The following KCNN2 variants were observed in gnomAD, a reference collection of about 807,000 sequenced individuals.
KCNN2 encodes the protein small conductance calcium-activated potassium channel protein 2.
In KCNN2, 24 loss-of-function variants were observed where a neutral mutation model predicts 55.5. The ratio of observed to expected loss-of-function variants is 0.43; its 90% confidence interval spans 0.31 to 0.61. KCNN2 has a LOEUF of 0.61. Ranked by LOEUF, KCNN2 falls within the 20% of genes least tolerant of loss-of-function variation. The pLI, the probability that KCNN2 is intolerant of heterozygous loss-of-function variation, is 0.08. For synonymous variants in KCNN2, 431 were observed against 336.1 expected, an observed-to-expected ratio of 1.28 and a Z score of -3.09; for missense variants, 754 against 853.6, an observed-to-expected ratio of 0.88 and a Z score of 1.45.
intron 2 of KCNN2, among the ~76,000 whole-genome samples, chr5:114,309,735 C>T (rs1010618809): frequency 3.3e-5 from 5 of 152,052 alleles, no homozygotes; most frequent in Non-Finnish European, 5.9e-5. Context: ...AACACACAGA[C>T]AGGTGTAATA....
rs972465553 is a variant in KCNN2, at chr5:114,362,781, C to T, written c.642C>T (p.Ser214=). Reference sequence around the variant, plus strand: ...ACCCCTTCACCGAAATAGCCATGAGCAGCTGCAGGTACAACGGGGGCGTCA... The same window carrying T: ...ACCCCTTCACCGAAATAGCCATGAGTAGCTGCAGGTACAACGGGGGCGTCA... ...ESNPFTEIAM[S]SCRYNGGVMR... The change falls in exon 1 of 8, where the codon AGC becomes AGT. Residue 214 remains serine, a synonymous_variant. Transcript: ENST00000673685. 1.3e-6 allele frequency: 2 copies of T among 1,588,328 alleles called. No individual in the cohort carries two copies. The highest frequency in any genetic ancestry group is 8.5e-7 in the Non-Finnish European group (1 of 1,172,836).
At chr5:114,394,833 G>A (rs1259500122) in intron 2 of KCNN2, among the ~76,000 whole-genome samples, 1 of 152,046 alleles carries the variant, frequency 6.6e-6, no homozygotes, top group East Asian at 1.9e-4. Context: ...GTTCCATCAG[G>A]CTTTCAGTTA....
At chr5:114,377,185 C>T (rs1030371979) in intron 2 of KCNN2, among the ~76,000 whole-genome samples, 1 of 152,176 alleles carries the variant, frequency 6.6e-6, no homozygotes, top group African/African-American at 2.4e-5. Flanking sequence ...CTGAGTCCAC[C>T]ACTGGCTGTG....
At chr5:114,168,172 T>C (rs914361188) in intron 1 of KCNN2, among the ~76,000 whole-genome samples, 32 of 127,152 alleles carry the variant, frequency 2.5e-4, no homozygotes, top group Admixed American at 2.0e-3. Context: ...TGTGGATATA[T>C]ATACACACAC....
At chr5:114,314,080 C>T (rs517335) in intron 2 of KCNN2, among the ~76,000 whole-genome samples, 17,536 of 152,022 alleles carry the variant, frequency 0.12, 1,157 homozygotes, top group African/African-American at 0.17. Flanking sequence ...CTTGTTTCTA[C>T]AGTTTTTGTG....
intron 2 of KCNN2, among the ~76,000 whole-genome samples, chr5:114,320,004 T>C (rs1756583309): frequency 6.6e-6 from 1 of 152,206 alleles, no homozygotes. Flanking sequence ...TTGAAGCTCA[T>C]GGGAATTGTG....
At chr5:114,124,912 T>C (rs1435018691) in intron 1 of KCNN2, among the ~76,000 whole-genome samples, 1 of 152,206 alleles carries the variant, frequency 6.6e-6, no homozygotes, top group South Asian at 2.1e-4. Context: ...AGAAATACTT[T>C]ATTTATTTAT....
At chr5:114,425,708 C>G (rs572997932) in intron 3 of KCNN2, among the ~76,000 whole-genome samples, 1 of 152,272 alleles carries the variant, frequency 6.6e-6, no homozygotes, top group East Asian at 1.9e-4. Flanking sequence ...GCCCTGAATT[C>G]AACCACTTCT....
intron 2 of KCNN2, among the ~76,000 whole-genome samples, chr5:114,327,684 T>C (rs998707746): frequency 6.6e-6 from 1 of 152,210 alleles, no homozygotes; most frequent in Non-Finnish European, 1.5e-5. Context: ...ATCGTTGCCA[T>C]TCTAAGTGTT....
At chr5:114,411,632 C>T (rs1042070926) in intron 3 of KCNN2, among the ~76,000 whole-genome samples, 4 of 152,068 alleles carry the variant, frequency 2.6e-5, no homozygotes, top group Admixed American at 6.6e-5. Context: ...AGTCTAAGGA[C>T]AGGAGAGGAA....
At chr5:114,397,185 C>T (rs144107300) in intron 2 of KCNN2, among the ~76,000 whole-genome samples, 177 of 152,234 alleles carry the variant, frequency 1.2e-3, no homozygotes, top group African/African-American at 4.1e-3. Flanking sequence ...AGTGAACATA[C>T]GCGTACGTGT....
At chr5:114,237,164 C>G (rs534319194) in intron 2 of KCNN2, among the ~76,000 whole-genome samples, 5 of 151,906 alleles carry the variant, frequency 3.3e-5, no homozygotes, top group Admixed American at 2.6e-4. Flanking sequence ...TAAGACCAAA[C>G]TGATTTCCAG....
intron 2 of KCNN2, among the ~76,000 whole-genome samples, chr5:114,273,117 A>G (rs971030249): frequency 6.6e-6 from 1 of 152,124 alleles, no homozygotes; most frequent in African/African-American, 2.4e-5. Context: ...ATGAGTGAGA[A>G]CACATGGTGT....
intron 2 of KCNN2, among the ~76,000 whole-genome samples, chr5:114,221,816 T>C (rs144798455): frequency 1.3e-5 from 2 of 152,226 alleles, no homozygotes; most frequent in African/African-American, 4.8e-5. Context: ...AAATGTATTT[T>C]CATTTGAATT....
rs545350414 is a variant in KCNN2, at chr5:114,136,431, A to G, written c.-271+79931A>G. On this transcript the variant is annotated intron_variant, in intron 1 of 10. Transcript: ENST00000512097. ...TCCCTGCCTTCACAGCCATGAACCAAATAAATTTCTATTCATTATAAACTA... is the reference window on the plus strand; with the variant it reads ...TCCCTGCCTTCACAGCCATGAACCAGATAAATTTCTATTCATTATAAACTA... Among the ~76,000 whole-genome samples, 27 of 152,318 alleles carry G rather than the reference A, an allele frequency of 1.8e-4. No individual in the cohort carries two copies. In the South Asian group the frequency reaches 4.8e-3, roughly 27 times the overall value.
chr5:114,197,483 T>C (rs1373950160), intron 1 of KCNN2, among the ~76,000 whole-genome samples: 1 of 152,206 alleles, frequency 6.6e-6, no homozygotes, highest in African/African-American at 2.4e-5. Context: ...GTTTTGCTTC[T>C]TCTCACCTTG....
intron 3 of KCNN2, among the ~76,000 whole-genome samples, chr5:114,449,879 T>TACACAC (rs745574908): frequency 0.019 from 1,816 of 93,424 alleles, 22 homozygotes; most frequent in South Asian, 0.059. Context: ...CATCCAAACA[T>TACACAC]ACACACACAC....
chr5:114,134,563 C>G (rs1752135780), intron 1 of KCNN2, among the ~76,000 whole-genome samples: 1 of 151,602 alleles, frequency 6.6e-6, no homozygotes, highest in African/African-American at 2.4e-5. Flanking sequence ...GCAACCTCCG[C>G]CCTCCGAGTT....
At chr5:114,408,252 T>G (rs1695367051) in intron 3 of KCNN2, among the ~76,000 whole-genome samples, 1 of 152,066 alleles carries the variant, frequency 6.6e-6, no homozygotes, top group South Asian at 2.1e-4. Flanking sequence ...GTTGTCCTTA[T>G]GGGTTTACAT....
Sources: gnomAD v4.1 joint callset for allele counts (sites outside exome capture counted in the v4.1 genomes callset) on GRCh38, gnomAD v4.1.1 for gene constraint, MANE v1.5 for transcripts, NCBI Gene and HGNC (gene_info 2026-07-23, HGNC 2026-07-21) for gene names.